The following RNF220 variants were observed in gnomAD, a reference collection of about 807,000 sequenced individuals.
RNF220 encodes E3 ubiquitin-protein ligase RNF220.
A neutral mutation model predicts 67.1 loss-of-function variants in RNF220; 7 were observed. The ratio of observed to expected loss-of-function variants is 0.10; its 90% confidence interval spans 0.06 to 0.20. The LOEUF (loss-of-function observed/expected upper bound fraction) is 0.20, where lower values mean the gene tolerates loss of function less well. Among genes scored for constraint, RNF220 ranks in the 10% least tolerant of loss-of-function variants. The pLI is 1.00. For synonymous variants in RNF220, 270 were observed against 283.2 expected (o/e 0.95, Z 0.47); for missense variants, 565 against 740.3 (o/e 0.76, Z 2.75).
At chr1:44,498,463 T>C (rs1050181771) in intron 2 of RNF220, among the ~76,000 whole-genome samples, 1 of 152,188 alleles carries the variant, frequency 6.6e-6, no homozygotes, top group South Asian at 2.1e-4. Flanking sequence ...GCTTGCATAT[T>C]GGAACCACTA....
intron 2 of RNF220, among the ~76,000 whole-genome samples, chr1:44,609,800 G>A (rs1455257275): frequency 6.6e-6 from 1 of 152,234 alleles, no homozygotes. Context: ...GTCACTCCCT[G>A]TTGGAGCCTC....
chr1:44,583,370 T>C (rs796916331), intron 2 of RNF220, among the ~76,000 whole-genome samples: 1 of 152,286 alleles, frequency 6.6e-6, no homozygotes, highest in African/African-American at 2.4e-5. Context: ...AATCAGTGAA[T>C]GAATGGGATG....
At chr1:44,451,219 G>C (rs1159168317) in intron 2 of RNF220, among the ~76,000 whole-genome samples, 2 of 151,404 alleles carry the variant, frequency 1.3e-5, no homozygotes, top group African/African-American at 4.8e-5. Flanking sequence ...GACTGTACTT[G>C]TTTACATTCC....
intron 2 of RNF220, among the ~76,000 whole-genome samples, chr1:44,602,350 G>C (rs1475753457): frequency 2.6e-5 from 4 of 152,106 alleles, no homozygotes; most frequent in African/African-American, 4.8e-5. Flanking sequence ...CCTGGCCTGA[G>C]GAGCATGGAG....
At chr1:44,585,790 G>T (rs76225657) in intron 2 of RNF220, among the ~76,000 whole-genome samples, 2,750 of 152,238 alleles carry the variant, frequency 0.018, 89 homozygotes, top group African/African-American at 0.063. Flanking sequence ...TCTAAAATGG[G>T]ATAATCATAG....
intron 2 of RNF220, among the ~76,000 whole-genome samples, chr1:44,463,252 T>G (rs776289919): frequency 4.0e-5 from 6 of 151,854 alleles, no homozygotes; most frequent in Non-Finnish European, 8.8e-5. Flanking sequence ...GAAGAATCGT[T>G]TCAACCCGGG....
intron 2 of RNF220, among the ~76,000 whole-genome samples, chr1:44,433,848 G>A (rs1030368786): frequency 1.3e-5 from 2 of 152,136 alleles, no homozygotes; most frequent in Admixed American, 1.3e-4. Flanking sequence ...TGTAGTCCCA[G>A]CTACTCTGGA....
chr1:44,630,847 G>C (rs1644094679), intron 5 of RNF220, among the ~76,000 whole-genome samples: 1 of 152,228 alleles, frequency 6.6e-6, no homozygotes, highest in African/African-American at 2.4e-5. Context: ...AGAAGAGTCT[G>C]GCAAGGCAGA....
intron 2 of RNF220, among the ~76,000 whole-genome samples, chr1:44,473,311 G>A (rs1654987315): frequency 6.6e-6 from 1 of 152,106 alleles, no homozygotes; most frequent in African/African-American, 2.4e-5. Flanking sequence ...TGGGAACCAT[G>A]CCTTTAATTC....
chr1:44,465,932 C>T (rs1463498097), intron 2 of RNF220, among the ~76,000 whole-genome samples: 3 of 151,950 alleles, frequency 2.0e-5, no homozygotes, highest in Admixed American at 1.3e-4. Context: ...ACGGTGGTTG[C>T]TTAAGGTTGG....
intron 2 of RNF220, among the ~76,000 whole-genome samples, chr1:44,515,428 T>C (rs938691407): frequency 6.6e-6 from 1 of 152,160 alleles, no homozygotes; most frequent in African/African-American, 2.4e-5. Context: ...TTGTAAATGA[T>C]CCACAGGATT....
At chr1:44,409,084 A>G (rs1312293405) in intron 1 of RNF220, among the ~76,000 whole-genome samples, 2 of 152,174 alleles carry the variant, frequency 1.3e-5, no homozygotes, top group Non-Finnish European at 2.9e-5. Flanking sequence ...TCTTCGTTTC[A>G]TTTGTCTTGG....
chr1:44,407,038 G>A (rs1647408116), intron 1 of RNF220, among the ~76,000 whole-genome samples: 1 of 152,218 alleles, frequency 6.6e-6, no homozygotes, highest in Non-Finnish European at 1.5e-5. Context: ...AGCTCCAGCG[G>A]AGAGCCCGTG....
At chr1:44,498,548 G>A (rs750807175) in intron 2 of RNF220, among the ~76,000 whole-genome samples, 2 of 152,076 alleles carry the variant, frequency 1.3e-5, no homozygotes, top group African/African-American at 2.4e-5. Flanking sequence ...ATTCTGGAGC[G>A]CAGGCTCACA....
chr1:44,430,692 C>A (rs1371785727), intron 2 of RNF220, among the ~76,000 whole-genome samples: 1 of 152,180 alleles, frequency 6.6e-6, no homozygotes, highest in Non-Finnish European at 1.5e-5. Flanking sequence ...TTATAGGCGC[C>A]TGCCACCACA....
intron 2 of RNF220, among the ~76,000 whole-genome samples, chr1:44,588,208 T>G (rs2148362477): frequency 6.6e-6 from 1 of 152,316 alleles, no homozygotes; most frequent in Non-Finnish European, 1.5e-5. Context: ...AATCCTGATC[T>G]CTGGGAGCCG....
chr1:44,457,046 G>A (rs553716881), intron 2 of RNF220, among the ~76,000 whole-genome samples: 1 of 151,956 alleles, frequency 6.6e-6, no homozygotes, highest in South Asian at 2.1e-4. Context: ...GTATCCTTCA[G>A]CTGTAGCTCC....
chr1:44,643,013 G>T (rs182755181), intron 8 of RNF220: 1 of 152,356 alleles, frequency 6.6e-6, no homozygotes, highest in African/African-American at 2.4e-5. Flanking sequence ...ACCTGGCCGT[G>T]TACAGGAGAC....
intron 2 of RNF220, among the ~76,000 whole-genome samples, chr1:44,527,576 A>C (rs1442642584): frequency 6.6e-6 from 1 of 152,072 alleles, no homozygotes; most frequent in Non-Finnish European, 1.5e-5. Context: ...CAGAAAACAT[A>C]ACGAGACCCT....
Sources: gnomAD v4.1 joint callset for allele counts (sites outside exome capture counted in the v4.1 genomes callset) on GRCh38, gnomAD v4.1.1 for gene constraint, MANE v1.5 for transcripts, NCBI Gene and HGNC (gene_info 2026-07-23, HGNC 2026-07-21) for gene names.